MAGI1: variants seen among roughly 807,000 people sequenced by gnomAD.
The protein encoded by MAGI1 is membrane associated guanylate kinase, WW and PDZ domain containing 1, also known as membrane-associated guanylate kinase, WW and PDZ domain-containing protein 1.
A neutral mutation model predicts 139.9 loss-of-function variants in MAGI1; 58 were observed. The observed-to-expected ratio is 0.41, with a 90% CI of 0.34 to 0.52. The LOEUF (loss-of-function observed/expected upper bound fraction) is 0.52. MAGI1 is among the 20% of genes least tolerant of loss of function. MAGI1 has a pLI of 0.12. For synonymous variants in MAGI1, 812 were observed against 737.9 expected (o/e 1.10, Z -1.63); for missense variants, 1,874 against 1,901.6 (o/e 0.99, Z 0.27).
At chr3:65,704,121 C>G (rs1462610656) in intron 1 of MAGI1, among the ~76,000 whole-genome samples, 1 of 152,178 alleles carries the variant, frequency 6.6e-6, no homozygotes, top group African/African-American at 2.4e-5. Context: ...TTCCCTTTTA[C>G]TAATCCTCAC....
intron 1 of MAGI1, among the ~76,000 whole-genome samples, chr3:65,896,683 A>C (rs2060983678): frequency 6.6e-6 from 1 of 152,220 alleles, no homozygotes; most frequent in African/African-American, 2.4e-5. Flanking sequence ...ACAAACAAAC[A>C]AACAAACAAA....
At chr3:65,880,127 A>G (rs2060266479) in intron 1 of MAGI1, among the ~76,000 whole-genome samples, 1 of 152,212 alleles carries the variant, frequency 6.6e-6, no homozygotes, top group Admixed American at 6.5e-5. Context: ...CTGTAGTCCC[A>G]GCTACTCAGA....
chr3:65,813,904 C>T (rs893536715), intron 1 of MAGI1, among the ~76,000 whole-genome samples: 5 of 152,100 alleles, frequency 3.3e-5, no homozygotes, highest in African/African-American at 9.7e-5. Flanking sequence ...TCTAAAGGTA[C>T]CTTGCAGGAG....
intron 14 of MAGI1, among the ~76,000 whole-genome samples, chr3:65,387,696 G>A (rs1943567305): frequency 6.6e-6 from 1 of 152,140 alleles, no homozygotes; most frequent in African/African-American, 2.4e-5. Context: ...AGCCAGAATA[G>A]TCTTATATTT....
chr3:65,523,724 TAAG>T (rs1258420136), intron 2 of MAGI1, among the ~76,000 whole-genome samples: 8 of 152,302 alleles, frequency 5.3e-5, no homozygotes, highest in African/African-American at 1.9e-4. Flanking sequence ...ACAAGTATTT[TAAG>T]AAAGAATTTT....
intron 1 of MAGI1, among the ~76,000 whole-genome samples, chr3:65,984,297 A>T (rs1019338583): frequency 1.3e-5 from 2 of 152,090 alleles, no homozygotes; most frequent in African/African-American, 2.4e-5. Flanking sequence ...CCATCTAAAA[A>T]CTATATAAAT....
intron 16 of MAGI1, among the ~76,000 whole-genome samples, chr3:65,379,930 G>A (rs953194924): frequency 6.6e-6 from 1 of 152,238 alleles, no homozygotes; most frequent in South Asian, 2.1e-4. Flanking sequence ...CACCCGTGAA[G>A]ACCGCCATCT....
chr3:65,654,883 C>T (rs1006372359), intron 1 of MAGI1, among the ~76,000 whole-genome samples: 1 of 152,140 alleles, frequency 6.6e-6, no homozygotes, highest in Non-Finnish European at 1.5e-5. Context: ...GACTTTATTG[C>T]CCAGTTGTTA....
intron 1 of MAGI1, among the ~76,000 whole-genome samples, chr3:65,921,600 G>A (rs373818663): frequency 6.2e-4 from 95 of 152,132 alleles, no homozygotes; most frequent in Non-Finnish European, 1.1e-3. Flanking sequence ...ATGAGCCACC[G>A]TGCCCGGCTG....
intron 1 of MAGI1, among the ~76,000 whole-genome samples, chr3:65,939,379 A>G (rs2063204620): frequency 6.6e-6 from 1 of 152,200 alleles, no homozygotes; most frequent in Admixed American, 6.5e-5. Flanking sequence ...TCATGTTTAC[A>G]CTGTAGGGGG....
chr3:65,715,520 G>T (rs891510338), intron 1 of MAGI1, among the ~76,000 whole-genome samples: 1 of 152,168 alleles, frequency 6.6e-6, no homozygotes, highest in African/African-American at 2.4e-5. Context: ...CTTGACTGCA[G>T]AAATCAACAT....
intron 1 of MAGI1, among the ~76,000 whole-genome samples, chr3:65,782,453 GATA>G (rs1396519452): frequency 6.6e-6 from 1 of 152,068 alleles, no homozygotes; most frequent in Admixed American, 6.6e-5. Flanking sequence ...AGAACTGTAA[GATA>G]ATAAGTACAT....
chr3:65,372,557 CA>C (rs1170112473), intron 18 of MAGI1, among the ~76,000 whole-genome samples: 2 of 152,190 alleles, frequency 1.3e-5, no homozygotes, highest in Non-Finnish European at 2.9e-5. Context: ...GAGAGTCAGC[CA>C]GTCCTTTGAA....
At chr3:65,587,351 A>G (rs2081732804) in intron 2 of MAGI1, among the ~76,000 whole-genome samples, 1 of 152,192 alleles carries the variant, frequency 6.6e-6, no homozygotes, top group Non-Finnish European at 1.5e-5. Flanking sequence ...AGTGTTGAAT[A>G]TCACATGTAA....
At chr3:66,014,885 A>G (rs2067538564) in intron 1 of MAGI1, among the ~76,000 whole-genome samples, 1 of 152,184 alleles carries the variant, frequency 6.6e-6, no homozygotes, top group African/African-American at 2.4e-5. Context: ...CACTTAGAAT[A>G]ACATTCCACC....
At chr3:65,605,257 AT>A (rs958633565) in intron 2 of MAGI1, among the ~76,000 whole-genome samples, 2 of 152,128 alleles carry the variant, frequency 1.3e-5, no homozygotes, top group Non-Finnish European at 1.5e-5. Context: ...ATCCTTTTGT[AT>A]TTTGTGTTGT....
At chr3:65,384,391 AT>A (rs928902238) in intron 14 of MAGI1, among the ~76,000 whole-genome samples, 3 of 152,178 alleles carry the variant, frequency 2.0e-5, no homozygotes, top group African/African-American at 7.2e-5. Flanking sequence ...TATCACAACT[AT>A]TTACATGGCA....
chr3:65,676,189 T>C (rs996154857), intron 1 of MAGI1, among the ~76,000 whole-genome samples: 12 of 152,178 alleles, frequency 7.9e-5, no homozygotes, highest in African/African-American at 7.2e-5. Flanking sequence ...TGTTTCTCTA[T>C]ACAGAGAAAC....
At chr3:65,752,327 C>T (rs2036221923) in intron 1 of MAGI1, among the ~76,000 whole-genome samples, 1 of 152,080 alleles carries the variant, frequency 6.6e-6, no homozygotes, top group South Asian at 2.1e-4. Context: ...AGTAACTTAG[C>T]CTCTCTAAGG....
Sources: allele counts gnomAD v4.1 joint callset (sites outside exome capture counted in the v4.1 genomes callset), GRCh38; gene constraint gnomAD v4.1.1; transcripts MANE v1.5; gene names NCBI Gene and HGNC (gene_info 2026-07-23, HGNC 2026-07-21).